PTCD1: variants seen among roughly 807,000 people sequenced by gnomAD.
PTCD1 encodes the protein pentatricopeptide repeat-containing protein 1, mitochondrial.
PTCD1 carries 50 observed loss-of-function variants against 53.4 expected under a neutral mutation model. The observed-to-expected ratio is 0.94, with a 90% CI of 0.75 to 1.19. The LOEUF (loss-of-function observed/expected upper bound fraction) is 1.19. PTCD1 is among the 50% of genes most tolerant of loss of function. The probability of loss-of-function intolerance (pLI) is 0.00; values close to 1 mark genes in which losing one functional copy is unlikely to be tolerated. For missense variants in PTCD1, 918 were observed against 904.8 expected (o/e 1.01, Z -0.19); for synonymous variants, 413 against 394.8 (o/e 1.05, Z -0.55).
chr7:99,423,758 G>C lies in PTCD1; in HGVS notation c.1920+17C>G. 6.2e-7 allele frequency: 1 copy of C among 1,613,626 alleles called. No individual in the cohort carries two copies. Among genetic ancestry groups the C allele is most frequent in the Non-Finnish European group, 8.5e-7 (1 of 1,180,000 alleles). On this transcript the variant is annotated intron_variant, in intron 7 of 7. Coordinates refer to ENST00000292478, the MANE Select transcript of PTCD1 (RefSeq NM_015545.4). ...ATGGTGAAGGAGCTGATGAGCTTTTGAGCTTGGGGCACACACCCGGTCAAA... is the reference window on the plus strand; with the variant it reads ...ATGGTGAAGGAGCTGATGAGCTTTTCAGCTTGGGGCACACACCCGGTCAAA...
chr7:99,434,508 T>TA (rs1796384499), intron 2 of PTCD1, among the ~76,000 whole-genome samples: 1 of 141,918 alleles, frequency 7.0e-6, no homozygotes, highest in South Asian at 2.2e-4. Context: ...TTCTTTTTCC[T>TA]TTTTTTTTTT....
At chr7:99,421,539 TCAAGAC>T (rs1432593747) in intron 7 of PTCD1, among the ~76,000 whole-genome samples, 1 of 147,050 alleles carries the variant, frequency 6.8e-6, no homozygotes, top group East Asian at 2.0e-4. Context: ...GGTCGGGAGT[TCAAGAC>T]CAGCCTGGCC....
At position 99,417,556 on chromosome 7, in the gene PTCD1, G is replaced by A. The variant is rs116357221; in HGVS notation, c.*2411C>T. On this transcript the variant is annotated 3_prime_UTR_variant, in exon 8 of 8. Transcript: ENST00000292478. ...AGACACGGGACACCAACTTCGGGAC[G>A]AACTGCATCTGCCGCGTGCCCAAAA... is the stretch of plus-strand genomic sequence containing the variant. 10 of 1,612,540 alleles carry A rather than the reference G, an allele frequency of 6.2e-6. No individual in the cohort carries two copies. In the African/African-American group the frequency reaches 6.7e-5, roughly 11 times the overall value.
chr7:99,417,879 AGGT>A lies in PTCD1; in HGVS notation c.*2085_*2087del. 2 of 1,359,882 alleles carry A rather than the reference AGGT, an allele frequency of 1.5e-6. No individual in the cohort carries two copies. The highest frequency in any genetic ancestry group is 5.6e-5 in the Admixed American group (2 of 35,434). The allele number at this position is 1,359,882 out of a possible 1,614,324, so 84.2% of individuals were successfully genotyped here. A position where few individuals can be genotyped will look rare whatever the true frequency, so the allele number is the denominator to read the frequency against. On this transcript the variant is annotated 3_prime_UTR_variant, in exon 8 of 8. Coordinates refer to ENST00000292478, the MANE Select transcript of PTCD1 (RefSeq NM_015545.4). ...ATGGTGGTGGGGAGCCCTAATCCCAAGGTGGTGGCAGGGTGACATCAGGGAAGG... is the reference window on the plus strand; with the variant it reads ...ATGGTGGTGGGGAGCCCTAATCCCAAGGTGGCAGGGTGACATCAGGGAAGG...
In PTCD1 at chr7:99,419,912, C is replaced by T; in HGVS notation, c.*55G>A. ...AGGAGGTGACACCAGCTCACTTGTC[C>T]TGGGGCTCCCACAGAGCACTGGGGG... On this transcript the variant is annotated 3_prime_UTR_variant, in exon 8 of 8. Coordinates refer to ENST00000292478, the MANE Select transcript of PTCD1 (RefSeq NM_015545.4). The T allele has an allele frequency of 6.2e-7, 1 of 1,612,064 alleles. No homozygotes were observed. The highest frequency in any genetic ancestry group is 8.5e-7 in the Non-Finnish European group (1 of 1,179,716).
chr7:99,424,312 G>A (rs1351083267), intron 6 of PTCD1, among the ~76,000 whole-genome samples: 1 of 152,218 alleles, frequency 6.6e-6, no homozygotes, highest in Non-Finnish European at 1.5e-5. Context: ...GGCTGGGTGA[G>A]CCCGGTAGGG....
chr7:99,433,158 G>T, intron 3 of PTCD1, 120 bp downstream of exon 3: 1 of 1,486,996 alleles, frequency 6.7e-7, no homozygotes, highest in South Asian at 1.1e-5. Context: ...TTAAGGAGAT[G>T]ACTCTGAGGC....
At chr7:99,423,004 T>C (rs1204612993) in intron 7 of PTCD1, among the ~76,000 whole-genome samples, 3 of 145,044 alleles carry the variant, frequency 2.1e-5, no homozygotes, top group Middle Eastern at 3.4e-3. Flanking sequence ...GCTCTTCTCT[T>C]TTTTTTTTTT....
intron 2 of PTCD1, among the ~76,000 whole-genome samples, chr7:99,434,216 C>T (rs1231530562): frequency 1.3e-5 from 2 of 151,604 alleles, no homozygotes; most frequent in South Asian, 2.1e-4. Context: ...GAGACCAAGG[C>T]GGGCGGATCA....
chr7:99,438,689 CACTT>C lies in PTCD1; in HGVS notation c.-28_-27+2del, dbSNP rs776642994. The C allele has an allele frequency of 4.1e-5, 53 of 1,278,056 alleles. No individual in the cohort carries two copies. Among genetic ancestry groups the C allele is most frequent in the Non-Finnish European group, 5.4e-5 (53 of 986,886 alleles). 79.2% of individuals were successfully genotyped at this position (1,278,056 alleles called of 1,614,324 possible). A position where few individuals can be genotyped will look rare whatever the true frequency, so the allele number is the denominator to read the frequency against. On this transcript the variant is annotated splice_donor_variant and 5_prime_UTR_variant, in exon 1 of 8. Transcript: ENST00000292478. LOFTEE classifies it low-confidence loss of function (5UTR_SPLICE). ...CTCCTGCGAGGATCACACAGGAACT[CACTT>C]GAAGTGTCCGGCGCAGTGCACTCCG... is the stretch of plus-strand genomic sequence containing the variant.
chr7:99,422,769 G>C (rs997352269), intron 7 of PTCD1, among the ~76,000 whole-genome samples: 2 of 152,174 alleles, frequency 1.3e-5, no homozygotes, highest in Non-Finnish European at 2.9e-5. Flanking sequence ...CATGTGTACA[G>C]TAAAGAACCA....
chr7:99,431,821 C>T (rs1796264283), intron 3 of PTCD1, among the ~76,000 whole-genome samples: 1 of 152,216 alleles, frequency 6.6e-6, no homozygotes, highest in Non-Finnish European at 1.5e-5. Flanking sequence ...ACACAAGAAA[C>T]TCCATTTTGT....
intron 7 of PTCD1, 73 bp downstream of exon 7, chr7:99,423,702 C>A: frequency 6.2e-7 from 1 of 1,602,004 alleles, no homozygotes; most frequent in Non-Finnish European, 8.5e-7. Context: ...GGGCCAGAAC[C>A]GGGGTTGGGT....
Position 99,433,400 on chromosome 7 carries a change from G to A in PTCD1, c.472C>T (p.Leu158=). 1.2e-6 allele frequency: 2 copies of A among 1,614,186 alleles called. No homozygotes were observed. Among genetic ancestry groups the A allele is most frequent in the South Asian group, 1.1e-5 (1 of 91,090 alleles). Residue 158 remains leucine, a synonymous_variant, in exon 3 of 8, where the codon CTG becomes TTG. Transcript: ENST00000292478. ...KEGKLVEALD[L]FERQMLKEER... Reference sequence around the variant, plus strand: ...TCCTTCAGCATCTGCCTCTCAAACAGGTCCAGGGCTTCAACCAGCTGCAGG... The same window carrying A: ...TCCTTCAGCATCTGCCTCTCAAACAAGTCCAGGGCTTCAACCAGCTGCAGG...
At position 99,438,732 on chromosome 7, in the gene PTCD1, C is replaced by T. The variant is rs1584473908; in HGVS notation, c.-67G>A. On this transcript the variant is annotated 5_prime_UTR_variant, in exon 1 of 8. Transcript: ENST00000292478. ...CAGTGCACTCCGACGGGGAGCCCTG[C>T]CCGGTCCCCGCGGCGAACCAGTCTC... The T allele has an allele frequency of 7.6e-7, 1 of 1,307,802 alleles. No homozygotes were observed. The highest frequency in any genetic ancestry group is 5.4e-5 in the East Asian group (1 of 18,650). The allele number at this position is 1,307,802 out of a possible 1,614,324, so 81.0% of individuals were successfully genotyped here.
intron 1 of PTCD1, among the ~76,000 whole-genome samples, chr7:99,436,961 C>A (rs1478910322): frequency 6.6e-6 from 1 of 152,220 alleles, no homozygotes; most frequent in Non-Finnish European, 1.5e-5. Flanking sequence ...AACTCCTGGG[C>A]TCAAGTGATC....
rs139817209 is a variant in PTCD1 at position 99,419,990 on chromosome 7, C to A, written c.2080G>T (p.Gly694Ter). The change falls in exon 8 of 8, where the codon GGA becomes TGA. Residue 694 changes from glycine (G) to a stop codon, truncating the protein, a stop_gained. Transcript: ENST00000292478. LOFTEE classifies it high-confidence loss of function. ...DQDTGKEADD[G>*]CALGGR ...CATCACCTGCCCCCAAGGGCACATCCGTCATCAGCCTCCTTGCCGGTGTCC... is the reference window on the plus strand; with the variant it reads ...CATCACCTGCCCCCAAGGGCACATCAGTCATCAGCCTCCTTGCCGGTGTCC... 1 of 1,614,226 alleles carries A rather than the reference C, an allele frequency of 6.2e-7. No individual in the cohort carries two copies. The highest frequency in any genetic ancestry group is 2.2e-5 in the East Asian group (1 of 44,890).
Position 99,425,155 on chromosome 7 carries a change from G to A in PTCD1, c.1377C>T (p.Thr459=). The change falls in exon 6 of 8, where the codon ACC becomes ACT. Residue 459 remains threonine, a synonymous_variant. Coordinates refer to ENST00000292478, the MANE Select transcript of PTCD1 (RefSeq NM_015545.4). Reference sequence around the variant, plus strand: ...TCAAGGCCAGCCGGTCAGCTGGGGTGGTCACCGTTCCAAAGGAGACCACTG... The same window carrying A: ...TCAAGGCCAGCCGGTCAGCTGGGGTAGTCACCGTTCCAAAGGAGACCACTG... ...PPTVVSFGTV[T]TPADRLALIG... 6.2e-7 allele frequency: 1 copy of A among 1,614,022 alleles called. No individual in the cohort carries two copies. The highest frequency in any genetic ancestry group is 1.1e-5 in the South Asian group (1 of 91,076).
At chr7:99,430,731 C>A (rs1032474159) in intron 3 of PTCD1, among the ~76,000 whole-genome samples, 2 of 152,242 alleles carry the variant, frequency 1.3e-5, no homozygotes, top group Non-Finnish European at 2.9e-5. Context: ...CCTATCCTTA[C>A]TGAGCTTACA....
Sources: gnomAD v4.1 joint callset for allele counts (sites outside exome capture counted in the v4.1 genomes callset) on GRCh38, gnomAD v4.1.1 for gene constraint, MANE v1.5 for transcripts, NCBI Gene and HGNC (gene_info 2026-07-23, HGNC 2026-07-21) for gene names.